Variants in MSH5 observed in about 807,000 individuals in gnomAD.
The protein encoded by MSH5 is mutS protein homolog 5.
A neutral mutation model predicts 107.7 loss-of-function variants in MSH5; 78 were observed. The ratio of observed to expected loss-of-function variants is 0.72; its 90% confidence interval spans 0.60 to 0.87. MSH5 has a LOEUF of 0.87. Among genes scored for constraint, MSH5 ranks in the 40% least tolerant of loss-of-function variants. The pLI is 0.00. For synonymous variants in MSH5, 326 were observed against 399.5 expected, an observed-to-expected ratio of 0.82 and a Z score of 2.19; for missense variants, 889 against 1,046.6, an observed-to-expected ratio of 0.85 and a Z score of 2.08.
rs1039450468 is a variant in MSH5, at chr6:31,740,975, A to G, written c.148-188A>G. On this transcript the variant is annotated intron_variant, in intron 2 of 24. Transcript: ENST00000375750. The surrounding 1 kb of genome is among the most constrained non-coding windows in gnomAD (Gnocchi z 4.4). Reference sequence around the variant, plus strand: ...GACTCCGTCTCAAAGAAAGAAAGAAAAAAAAAACAGGGTTGGGAAGAGCTG... The same window carrying G: ...GACTCCGTCTCAAAGAAAGAAAGAAGAAAAAAACAGGGTTGGGAAGAGCTG... Among the ~76,000 whole-genome samples the G allele has an allele frequency of 2.0e-4, 30 of 151,932 alleles. No individual in the cohort carries two copies. The highest frequency in any genetic ancestry group is 6.5e-4 in the African/African-American group (27 of 41,354).
chr6:31,740,396 C>A lies in MSH5; in HGVS notation c.-13-58C>A. 2.0e-6 allele frequency: 3 copies of A among 1,523,990 alleles called. 1 individual carries two copies. The South Asian group carries it at 3.7e-5, about 19-fold the overall frequency. 94.4% of individuals were successfully genotyped at this position (1,523,990 alleles called of 1,614,324 possible). A position where few individuals can be genotyped will look rare whatever the true frequency, so the allele number is the denominator to read the frequency against. On this transcript the variant is annotated intron_variant, in intron 1 of 24. Transcript: ENST00000375750. This position sits in a 1 kb window ranked among gnomAD's most constrained non-coding sequence, Gnocchi z 4.4. ...GCTTTGCATTCTGCGCGCCACCCTA[C>A]CCCGGCCTCCTCTGTGAATCGTTGC...
intron 10 of MSH5, among the ~76,000 whole-genome samples, chr6:31,751,345 T>G (rs1809940855): frequency 6.6e-6 from 1 of 151,724 alleles, no homozygotes; most frequent in African/African-American, 2.4e-5. Flanking sequence ...CAAAAAGATG[T>G]AAATAATTAG....
chr6:31,744,476 G>A (rs1809226057), intron 7 of MSH5, 70 bp from the exon 8 acceptor site: 5 of 1,579,252 alleles, frequency 3.2e-6, no homozygotes, highest in South Asian at 1.1e-5. Flanking sequence ...TATTCAGAGA[G>A]GGGGACAAAG....
chr6:31,762,108 C>T lies in MSH5; in HGVS notation c.2320-4C>T. On this transcript the variant is annotated splice_region_variant and splice_polypyrimidine_tract_variant and intron_variant, in intron 23 of 24. Coordinates refer to ENST00000375750, the MANE Select transcript of MSH5 (RefSeq NM_172166.4). ...ACTCCTCCCACCTTCTTGCTTGTTC[C>T]TAGGTCTCAGACTTGATCCGCAGTG... 6.2e-7 allele frequency: 1 copy of T among 1,614,170 alleles called. No homozygotes were observed. The highest frequency in any genetic ancestry group is 8.5e-7 in the Non-Finnish European group (1 of 1,180,024).
intron 9 of MSH5, among the ~76,000 whole-genome samples, chr6:31,746,909 G>A (rs576021093): frequency 1.3e-5 from 2 of 152,200 alleles, no homozygotes; most frequent in Admixed American, 6.5e-5. Flanking sequence ...TGCAAGCTCT[G>A]CCTCCCGGGT....
chr6:31,743,332 C>CTGT, intron 5 of MSH5, 162 bp downstream of exon 5: 1 of 717,000 alleles, frequency 1.4e-6, no homozygotes, highest in South Asian at 1.8e-5. Flanking sequence ...TCTCCTGCTC[C>CTGT]CTACCCTTTA....
chr6:31,743,323 C>T (rs1259592219), intron 5 of MSH5, 153 bp downstream of exon 5: 4 of 749,712 alleles, frequency 5.3e-6, no homozygotes, highest in Non-Finnish European at 6.8e-6. Flanking sequence ...CCCAAGATCT[C>T]TCCTGCTCCC....
Position 31,761,864 on chromosome 6 carries a change from A to G in MSH5, c.2228A>G (p.Gln743Arg), listed in dbSNP as rs1562251778. 2 of 1,613,062 alleles carry G rather than the reference A, an allele frequency of 1.2e-6. No homozygotes were observed. The highest frequency in any genetic ancestry group is 2.2e-5 in the South Asian group (2 of 91,074). The part of the protein sequence containing the change: ...EDGNDLVFFY[Q>R]VCEGVAKASH... ...GGCAACGATCTTGTCTTCTTCTATC[A>G]GGTTTGCGAAGGTGTTGCGAAGGCC... is the stretch of plus-strand genomic sequence containing the variant. Residue 743 changes from glutamine to arginine, a missense_variant, in exon 23 of 25, where the codon CAG becomes CGG. Physicochemically the swap from Gln to Arg is conservative, Grantham distance 43. Transcript: ENST00000375750. The surrounding 1 kb of genome is among the most constrained non-coding windows in gnomAD (Gnocchi z 5.3).
chr6:31,758,713 C>T lies in MSH5; in HGVS notation c.1217-53C>T. 6.2e-7 allele frequency: 1 copy of T among 1,608,348 alleles called. No homozygotes were observed. Among genetic ancestry groups the T allele is most frequent in the Non-Finnish European group, 8.5e-7 (1 of 1,174,824 alleles). ...TCACCACAGCTGGGGATCTTCATAG[C>T]AACCAGGGCAGGAGACTCACTTTTG... On this transcript the variant is annotated intron_variant, in intron 14 of 24. Coordinates refer to ENST00000375750, the MANE Select transcript of MSH5 (RefSeq NM_172166.4). This position sits in a 1 kb window ranked among gnomAD's most constrained non-coding sequence, Gnocchi z 5.1.
intron 10 of MSH5, chr6:31,751,412 G>A (rs539628246): frequency 2.0e-5 from 3 of 152,252 alleles, no homozygotes. Flanking sequence ...GAGGCAGGTG[G>A]AACACCAGAG....
chr6:31,762,272 G>C, intron 24 of MSH5, 87 bp downstream of exon 24: 1 of 1,497,490 alleles, frequency 6.7e-7, no homozygotes, highest in African/African-American at 1.4e-5. Flanking sequence ...CCTTCCTCCA[G>C]CACTTTGCCC....
Position 31,759,890 on chromosome 6 carries a change from G to T in MSH5, c.1600G>T (p.Ala534Ser). Residue 534 changes from alanine to serine, a missense_variant, in exon 18 of 25, where the codon GCT becomes TCT. Physicochemically the swap from Ala to Ser is moderately conservative, Grantham distance 99. Around this residue, in one of 3 missense-constraint regions of MSH5, gnomAD observed 362 missense variants for 456.2 expected, o/e 0.79. Transcript: ENST00000375750. The surrounding 1 kb of genome is among the most constrained non-coding windows in gnomAD (Gnocchi z 4.7). ...DLASRLDVLL[A>S]LASAARDYGY... ...TGCCTCCCGCCTGGACGTCCTGCTG[G>T]CTCTTGCCAGTGCTGCCCGGGACTA... 1 of 1,614,158 alleles carries T rather than the reference G, an allele frequency of 6.2e-7. No individual in the cohort carries two copies. Among genetic ancestry groups the T allele is most frequent in the Non-Finnish European group, 8.5e-7 (1 of 1,180,028 alleles).
chr6:31,740,416 C>G lies in MSH5; in HGVS notation c.-13-38C>G. ...CCCTACCCCGGCCTCCTCTGTGAATCGTTGCTTCCGAACCGCCCTCACTTT... is the reference window on the plus strand; with the variant it reads ...CCCTACCCCGGCCTCCTCTGTGAATGGTTGCTTCCGAACCGCCCTCACTTT... On this transcript the variant is annotated intron_variant, in intron 1 of 24. Transcript: ENST00000375750. This position sits in a 1 kb window ranked among gnomAD's most constrained non-coding sequence, Gnocchi z 4.4. The G allele has an allele frequency of 3.2e-6, 5 of 1,538,498 alleles. No homozygotes were observed. The highest frequency in any genetic ancestry group is 4.4e-6 in the Non-Finnish European group (5 of 1,141,660).
chr6:31,746,534 G>A (rs1320079353), intron 9 of MSH5, among the ~76,000 whole-genome samples: 1 of 151,950 alleles, frequency 6.6e-6, no homozygotes, highest in Non-Finnish European at 1.5e-5. Flanking sequence ...CGCCTCTTGG[G>A]TTCAAGTGAT....
At chr6:31,756,583 G>C (rs1334629334) in intron 12 of MSH5, 2 of 152,058 alleles carry the variant, frequency 1.3e-5, no homozygotes, top group Admixed American at 6.6e-5. Flanking sequence ...TGTACTATTT[G>C]GTTGCCAAGT....
chr6:31,758,726 A>G lies in MSH5; in HGVS notation c.1217-40A>G. On this transcript the variant is annotated intron_variant, in intron 14 of 24. Coordinates refer to ENST00000375750, the MANE Select transcript of MSH5 (RefSeq NM_172166.4). This position sits in a 1 kb window ranked among gnomAD's most constrained non-coding sequence, Gnocchi z 5.1. ...GGATCTTCATAGCAACCAGGGCAGG[A>G]GACTCACTTTTGATAACCACGTGTC... 1.2e-6 allele frequency: 2 copies of G among 1,610,444 alleles called. No individual in the cohort carries two copies. The highest frequency in any genetic ancestry group is 2.2e-5 in the South Asian group (2 of 91,004).
At chr6:31,753,177 C>G (rs907897821) in intron 10 of MSH5, 124 bp from the exon 11 acceptor site, 1 of 1,230,226 alleles carries the variant, frequency 8.1e-7, no homozygotes, top group African/African-American at 1.5e-5. Context: ...CCACTACATT[C>G]CCATAGCACA....
rs1180604122 is a variant in MSH5 at position 31,761,931 on chromosome 6, C to G, written c.2295C>G (p.Asp765Glu). 1.2e-6 allele frequency: 2 copies of G among 1,613,850 alleles called. No homozygotes were observed. Among genetic ancestry groups the G allele is most frequent in the Non-Finnish European group, 1.7e-6 (2 of 1,180,046 alleles). The stretch of plus-strand genomic sequence containing the variant: ...CAGCTGCCCAGGCTGGGCTTCCTGA[C>G]AAGCTTGTGGCTCGTGGCAAGGAGG... The part of the protein sequence containing the change: ...SHTAAQAGLP[D>E]KLVARGKEVS... The change falls in exon 23 of 25, where the codon GAC becomes GAG. Residue 765 changes from aspartate (D) to glutamate (E), a missense_variant. By Grantham distance (45) the Asp-to-Glu change is conservative. Around this residue, in one of 3 missense-constraint regions of MSH5, gnomAD observed 362 missense variants for 456.2 expected, o/e 0.79. Transcript: ENST00000375750. The surrounding 1 kb of genome is among the most constrained non-coding windows in gnomAD (Gnocchi z 5.3).
chr6:31,762,409 C>T lies in MSH5; in HGVS notation c.2394-11C>T. 1 of 1,600,400 alleles carries T rather than the reference C, an allele frequency of 6.2e-7. No homozygotes were observed. Among genetic ancestry groups the T allele is most frequent in the Non-Finnish European group, 8.6e-7 (1 of 1,167,692 alleles). On this transcript the variant is annotated splice_polypyrimidine_tract_variant and intron_variant, in intron 24 of 24. Coordinates refer to ENST00000375750, the MANE Select transcript of MSH5 (RefSeq NM_172166.4). The stretch of plus-strand genomic sequence containing the variant: ...TCTGCCATAAATCTTGCGATTTTCT[C>T]TCTTCTTCAGTTGCCAGACATTAGT...
Sources: allele counts gnomAD v4.1 joint callset (sites outside exome capture counted in the v4.1 genomes callset), GRCh38; gene constraint gnomAD v4.1.1; regional missense constraint gnomAD v4.1.1; non-coding constraint Gnocchi (gnomAD v3.1); transcripts MANE v1.5; gene names NCBI Gene and HGNC (gene_info 2026-07-23, HGNC 2026-07-21).